RBFOX1: variants seen among roughly 807,000 people sequenced by gnomAD.
RBFOX1 encodes RNA binding protein fox-1 homolog 1.
A neutral mutation model predicts 57.7 loss-of-function variants in RBFOX1; 8 were observed. That is an observed-to-expected ratio of 0.14 (90% CI 0.08 to 0.25). The LOEUF (loss-of-function observed/expected upper bound fraction) is 0.25. RBFOX1 is among the 10% of genes least tolerant of loss of function. The probability of loss-of-function intolerance (pLI) is 1.00; values close to 1 mark genes in which losing one functional copy is unlikely to be tolerated. For synonymous variants in RBFOX1, 326 were observed against 222.4 expected, an observed-to-expected ratio of 1.47 and a Z score of -4.15; for missense variants, 611 against 548.5, an observed-to-expected ratio of 1.11 and a Z score of -1.14.
intron 4 of RBFOX1, among the ~76,000 whole-genome samples, chr16:7,469,203 G>T (rs1158422268): frequency 6.7e-6 from 1 of 150,136 alleles, no homozygotes; most frequent in African/African-American, 2.4e-5. Context: ...CAAAATGCTG[G>T]GATTACAAGC....
intron 14 of RBFOX1, among the ~76,000 whole-genome samples, chr16:7,708,497 TTGAA>T (rs952451544): frequency 1.5e-5 from 2 of 132,468 alleles, no homozygotes; most frequent in African/African-American, 2.5e-5. Flanking sequence ...ATCAGTCTGA[TTGAA>T]TGGGAATGGG....
At chr16:7,309,534 T>C (rs1477679554) in intron 4 of RBFOX1, among the ~76,000 whole-genome samples, 1 of 152,214 alleles carries the variant, frequency 6.6e-6, no homozygotes, top group Non-Finnish European at 1.5e-5. Flanking sequence ...GGAGAAAGTC[T>C]GTGTTATTAG....
chr16:6,391,514 A>G (rs1011709330), intron 2 of RBFOX1, among the ~76,000 whole-genome samples: 4 of 151,752 alleles, frequency 2.6e-5, no homozygotes, highest in East Asian at 1.9e-4. Context: ...CGTCTCAAAA[A>G]AAAAAAAAAA....
intron 1 of RBFOX1, among the ~76,000 whole-genome samples, chr16:5,458,110 A>G (rs901511464): frequency 3.0e-4 from 45 of 152,224 alleles, no homozygotes; most frequent in Admixed American, 2.9e-3. Flanking sequence ...TACTATTTCT[A>G]TTTGCAATGG....
At position 6,399,748 on chromosome 16, in the gene RBFOX1, A is replaced by T. The variant is rs547078629; in HGVS notation, c.-64+82691A>T. Among the ~76,000 whole-genome samples, 38 of 152,264 alleles carry T rather than the reference A, an allele frequency of 2.5e-4. No homozygotes were observed. The South Asian group carries it at 7.7e-3, about 31-fold the overall frequency. On this transcript the variant is annotated intron_variant, in intron 2 of 15. Transcript: ENST00000550418. ...TTCATTCTCAAGCTGCTATGAAGAA[A>T]TACCTGAGACTCGGTGATTTATAAA... is the stretch of plus-strand genomic sequence containing the variant.
At chr16:5,925,926 C>G (rs1423227765) in intron 4 of RBFOX1, among the ~76,000 whole-genome samples, 1 of 152,188 alleles carries the variant, frequency 6.6e-6, no homozygotes, top group African/African-American at 2.4e-5. Flanking sequence ...AAGCTTATCT[C>G]TCCGTAGACT....
intron 4 of RBFOX1, among the ~76,000 whole-genome samples, chr16:7,075,767 A>G (rs2058177437): frequency 6.6e-6 from 1 of 152,032 alleles, no homozygotes; most frequent in African/African-American, 2.4e-5. Flanking sequence ...TTTTTAGTAG[A>G]GACGGGATTT....
At chr16:7,661,789 G>T (rs191120319) in intron 12 of RBFOX1, among the ~76,000 whole-genome samples, 1 of 152,154 alleles carries the variant, frequency 6.6e-6, no homozygotes, top group South Asian at 2.1e-4. Context: ...CAATGAGAAA[G>T]CTACACTAGT....
chr16:7,590,445 A>C (rs2094382750), intron 7 of RBFOX1, among the ~76,000 whole-genome samples: 1 of 152,192 alleles, frequency 6.6e-6, no homozygotes, highest in African/African-American at 2.4e-5. Context: ...GTAAGCATTT[A>C]GGGGCGAATG....
intron 3 of RBFOX1, among the ~76,000 whole-genome samples, chr16:6,861,823 G>GTTTTTTTTTTTTTTTTTTTTTTTTGTT (rs35138717): frequency 2.2e-5 from 2 of 92,458 alleles, no homozygotes; most frequent in African/African-American, 4.3e-5. Flanking sequence ...GCGTCCCTTG[G>GTTTTTTTTTTTTTTTTTTTTTTTTGTT]TTTTTTTTTT....
At chr16:6,649,619 C>G (rs114374134) in intron 2 of RBFOX1, among the ~76,000 whole-genome samples, 1 of 152,142 alleles carries the variant, frequency 6.6e-6, no homozygotes, top group Non-Finnish European at 1.5e-5. Flanking sequence ...TGCAATGTTT[C>G]GTTTTCCATT....
At chr16:6,486,028 T>TC (rs1394016096) in intron 2 of RBFOX1, among the ~76,000 whole-genome samples, 3 of 150,586 alleles carry the variant, frequency 2.0e-5, no homozygotes, top group Non-Finnish European at 3.0e-5. Context: ...TTTTTTTTTT[T>TC]CCTCTCTCTA....
At chr16:5,392,205 C>A (rs573968230) in intron 1 of RBFOX1, among the ~76,000 whole-genome samples, 2 of 152,094 alleles carry the variant, frequency 1.3e-5, no homozygotes, top group South Asian at 4.2e-4. Flanking sequence ...GTGATGGGTG[C>A]ACCAAAACCT....
At chr16:5,716,064 G>A (rs747429133) in intron 3 of RBFOX1, among the ~76,000 whole-genome samples, 2 of 152,200 alleles carry the variant, frequency 1.3e-5, no homozygotes, top group Non-Finnish European at 2.9e-5. Flanking sequence ...CATTGATGAT[G>A]TCTGGTATTA....
At chr16:7,590,268 G>A (rs886401248) in intron 7 of RBFOX1, among the ~76,000 whole-genome samples, 3 of 151,796 alleles carry the variant, frequency 2.0e-5, no homozygotes, top group Non-Finnish European at 4.4e-5. Flanking sequence ...CCTTATCTCA[G>A]AACAAGTATC....
intron 2 of RBFOX1, among the ~76,000 whole-genome samples, chr16:6,621,209 C>A (rs1415138163): frequency 6.6e-6 from 1 of 152,310 alleles, no homozygotes; most frequent in South Asian, 2.1e-4. Flanking sequence ...CGCCTGTATT[C>A]CCAGCACATT....
At chr16:7,385,923 TTTATTTA>T (rs1568551526) in intron 4 of RBFOX1, among the ~76,000 whole-genome samples, 2,257 of 119,988 alleles carry the variant, frequency 0.019, 57 homozygotes, top group African/African-American at 0.063. Flanking sequence ...CAGTTACTTA[TTTATTTA>T]TTTATTTATT....
In RBFOX1 at chr16:5,931,329, G is replaced by A. The variant is rs142965189; in HGVS notation, c.351+63994G>A. On this transcript the variant is annotated intron_variant, in intron 4 of 19. Coordinates refer to the RBFOX1 transcript ENST00000641259. The stretch of plus-strand genomic sequence containing the variant: ...ATACTTAACACTGTGAGATCAAGGT[G>A]CGGGGAAAGGGGACTGAATTAACAA... Among the ~76,000 whole-genome samples, 67 of 152,258 alleles carry A rather than the reference G, an allele frequency of 4.4e-4. No homozygotes were observed. In the East Asian group the frequency reaches 0.012, roughly 28 times the overall value.
intron 3 of RBFOX1, among the ~76,000 whole-genome samples, chr16:7,019,976 T>G (rs2094123389): frequency 6.8e-6 from 1 of 147,700 alleles, no homozygotes. Flanking sequence ...CTTCTGGCTC[T>G]CTCTTTTTTT....
Sources: gnomAD v4.1 joint callset for allele counts (sites outside exome capture counted in the v4.1 genomes callset) on GRCh38, gnomAD v4.1.1 for gene constraint, MANE v1.5 for transcripts, NCBI Gene and HGNC (gene_info 2026-07-23, HGNC 2026-07-21) for gene names.